The following HMCN1 variants were observed in gnomAD, a reference collection of about 807,000 sequenced individuals.
HMCN1 encodes hemicentin-1.
Under a neutral mutation model 625.9 loss-of-function variants are expected in HMCN1, and 321 were observed. The ratio of observed to expected loss-of-function variants is 0.51; its 90% CI spans 0.47 to 0.56. The LOEUF is 0.56. HMCN1 is among the 20% of genes least tolerant of loss of function. The probability of loss-of-function intolerance (pLI) is 0.00; values close to 1 mark genes in which losing one functional copy is unlikely to be tolerated. For missense variants in HMCN1, 6,588 were observed against 6,887.3 expected, an observed-to-expected ratio of 0.96 and a Z score of 1.54; for synonymous variants, 2,425 against 2,417.6, an observed-to-expected ratio of 1.00 and a Z score of -0.09.
intron 69 of HMCN1, among the ~76,000 whole-genome samples, chr1:186,104,763 C>T (rs1316617113): frequency 6.6e-6 from 1 of 152,194 alleles, no homozygotes; most frequent in Admixed American, 6.5e-5. Flanking sequence ...GCATTTCTAG[C>T]ATCTTCGAGT....
At chr1:186,128,030 T>A in intron 82 of HMCN1, 48 bp from the exon 83 acceptor site, 5 of 1,510,450 alleles carry the variant, frequency 3.3e-6, no homozygotes, top group Non-Finnish European at 4.6e-6. Context: ...TTTTATGTAC[T>A]ATGATGGATG....
At chr1:185,883,879 ATTTTTTTT>A (rs1205211897) in intron 4 of HMCN1, among the ~76,000 whole-genome samples, 6 of 55,934 alleles carry the variant, frequency 1.1e-4, no homozygotes, top group Non-Finnish European at 2.2e-4. Context: ...ATAGGTCATG[ATTTTTTTT>A]TTTTTTTTTT....
chr1:186,107,047 G>C, intron 70 of HMCN1, 82 bp downstream of exon 70: 1 of 862,158 alleles, frequency 1.2e-6, no homozygotes, highest in East Asian at 2.4e-5. Context: ...GCACATCACA[G>C]GATATGTTTA....
At chr1:186,116,957 A>G (rs1661162589) in intron 75 of HMCN1, 37 bp from the exon 76 acceptor site, 3 of 1,609,584 alleles carry the variant, frequency 1.9e-6, no homozygotes, top group African/African-American at 1.3e-5. Context: ...ATGAAAACCT[A>G]CATATAGTAT....
intron 81 of HMCN1, among the ~76,000 whole-genome samples, chr1:186,123,728 A>C (rs1357691061): frequency 6.6e-6 from 1 of 152,202 alleles, no homozygotes; most frequent in Non-Finnish European, 1.5e-5. Flanking sequence ...AAAAATCAGC[A>C]TTGAAATATT....
At chr1:186,139,324 C>G (rs769648881) in intron 89 of HMCN1, among the ~76,000 whole-genome samples, 2 of 152,100 alleles carry the variant, frequency 1.3e-5, no homozygotes, top group African/African-American at 4.8e-5. Flanking sequence ...ACTGTCCTGA[C>G]GTCTTAAAAT....
At position 186,056,032 on chromosome 1, in the gene HMCN1, A is replaced by T. The variant is rs77160270; in HGVS notation, c.7144+358A>T. 2.9e-3 allele frequency among the ~76,000 whole-genome samples: 448 copies of T among 152,144 alleles called. 1 individual carries two copies. The highest frequency in any genetic ancestry group is 3.8e-3 in the Non-Finnish European group (258 of 67,968). ...TATAAACGTAAGCTCCTTAGAATTT[A>T]CTGACTCACCATCAGTTGAGCATGA... On this transcript the variant is annotated intron_variant, in intron 45 of 106. Transcript: ENST00000271588.
In HMCN1 at chr1:186,058,137, G is replaced by T. The variant is rs117733738; in HGVS notation, c.7312+736G>T. Among the ~76,000 whole-genome samples the T allele has an allele frequency of 1.4e-3, 206 of 152,092 alleles. 2 individuals carry two copies. The highest frequency in any genetic ancestry group is 8.9e-3 in the East Asian group (46 of 5,166). ...TTTGGGTTAAAGCTAACAAGATGAA[G>T]GTTAAGTAAGGCTCATGATGGCCCT... On this transcript the variant is annotated intron_variant, in intron 46 of 106. Transcript: ENST00000271588.
intron 37 of HMCN1, among the ~76,000 whole-genome samples, chr1:186,038,508 C>T (rs1186277145): frequency 6.6e-6 from 1 of 151,850 alleles, no homozygotes; most frequent in African/African-American, 2.4e-5. Flanking sequence ...GACATGTAGC[C>T]AAAATTTTAT....
rs754537864 is a variant in HMCN1 at position 186,178,489 on chromosome 1, T to TATC, written c.16018_16020dup (p.Ile5340dup). The TATC allele has an allele frequency of 5.6e-6, 9 of 1,614,116 alleles. No homozygotes were observed. Among genetic ancestry groups the TATC allele is most frequent in the Admixed American group, 1.7e-5 (1 of 60,010 alleles). On this transcript the variant is annotated inframe_insertion, in exon 104 of 107. Transcript: ENST00000271588. The stretch of plus-strand genomic sequence containing the variant: ...CCAACACCCCCGGCAGCTTCAAGTG[T>TATC]ATCTGTCCACCAGGACAACATTTAT...
At chr1:185,826,475 G>T (rs990804990) in intron 1 of HMCN1, among the ~76,000 whole-genome samples, 1 of 152,198 alleles carries the variant, frequency 6.6e-6, no homozygotes, top group African/African-American at 2.4e-5. Flanking sequence ...CAGTGCAACA[G>T]CTGTGCAGCT....
At chr1:185,969,027 T>C (rs1398294217) in intron 14 of HMCN1, among the ~76,000 whole-genome samples, 2 of 152,226 alleles carry the variant, frequency 1.3e-5, no homozygotes, top group Admixed American at 6.6e-5. Context: ...AAAAAGTCTT[T>C]ATTTTATCCT....
chr1:186,034,263 GA>G (rs777657179), intron 36 of HMCN1, among the ~76,000 whole-genome samples: 4 of 152,178 alleles, frequency 2.6e-5, no homozygotes, highest in Admixed American at 1.3e-4. Context: ...AGAGCCTCCA[GA>G]AGGGAATTCA....
rs1255156470 is a variant in HMCN1 at position 186,186,366 on chromosome 1, A to C, written c.16415-1517A>C. The stretch of plus-strand genomic sequence containing the variant: ...ACATGGTGAAACCTCCTCTCTACTA[A>C]AAATACAAAAATTAGCCAGGCATGG... On this transcript the variant is annotated intron_variant, in intron 105 of 106. Coordinates refer to ENST00000271588, the MANE Select transcript of HMCN1 (RefSeq NM_031935.3). Among the ~76,000 whole-genome samples, 16 of 152,254 alleles carry C rather than the reference A, an allele frequency of 1.1e-4. 1 individual carries two copies. In the East Asian group the frequency reaches 3.1e-3, roughly 29 times the overall value.
intron 10 of HMCN1, among the ~76,000 whole-genome samples, chr1:185,932,045 TA>T (rs746168872): frequency 6.6e-6 from 1 of 152,206 alleles, no homozygotes; most frequent in Non-Finnish European, 1.5e-5. Context: ...ATATTTGTAC[TA>T]AAATATTATT....
intron 3 of HMCN1, 109 bp from the exon 4 acceptor site, chr1:185,865,621 ACACACACACAT>A: frequency 6.7e-6 from 5 of 744,486 alleles, no homozygotes; most frequent in South Asian, 1.5e-5. Flanking sequence ...ACACACACAC[ACACACACACAT>A]TCACATATTC....
chr1:185,832,210 C>T (rs1017036621), intron 1 of HMCN1, among the ~76,000 whole-genome samples: 1 of 151,974 alleles, frequency 6.6e-6, no homozygotes, highest in Non-Finnish European at 1.5e-5. Flanking sequence ...GTGGGAGAAT[C>T]GCTTGAACCC....
chr1:186,119,129 A>C (rs889876058), intron 77 of HMCN1, 62 bp from the exon 78 acceptor site: 17 of 1,241,864 alleles, frequency 1.4e-5, no homozygotes, highest in Non-Finnish European at 2.0e-5. Flanking sequence ...AGAGAGTCAA[A>C]TTTTATTGAA....
intron 1 of HMCN1, among the ~76,000 whole-genome samples, chr1:185,828,192 A>G (rs1321761607): frequency 6.6e-6 from 1 of 152,176 alleles, no homozygotes; most frequent in Admixed American, 6.6e-5. Context: ...GATTAGGGTA[A>G]CAGAACAGAC....
Sources: allele counts gnomAD v4.1 joint callset (sites outside exome capture counted in the v4.1 genomes callset), GRCh38; gene constraint gnomAD v4.1.1; transcripts MANE v1.5; gene names NCBI Gene and HGNC (gene_info 2026-07-23, HGNC 2026-07-21).